The following CEMIP variants were observed in gnomAD, a reference collection of about 807,000 sequenced individuals.
The protein encoded by CEMIP is cell migration-inducing and hyaluronan-binding protein.
A neutral mutation model predicts 156.9 loss-of-function variants in CEMIP; 105 were observed. The ratio of observed to expected loss-of-function variants is 0.67; its 90% CI spans 0.57 to 0.79. CEMIP has a LOEUF of 0.79. CEMIP is among the 30% of genes least tolerant of loss of function. CEMIP has a pLI of 0.00. For synonymous variants in CEMIP, 676 were observed against 668.4 expected (o/e 1.01, Z -0.17); for missense variants, 1,457 against 1,769.4 (o/e 0.82, Z 3.17).
At chr15:80,891,404 A>C (rs1346384556) in intron 10 of CEMIP, among the ~76,000 whole-genome samples, 2 of 152,246 alleles carry the variant, frequency 1.3e-5, no homozygotes, top group Non-Finnish European at 2.9e-5. Context: ...ACCCAACCCT[A>C]CACTCTATAA....
intron 1 of CEMIP, among the ~76,000 whole-genome samples, chr15:80,850,274 T>C (rs1053988887): frequency 3.3e-5 from 5 of 152,168 alleles, no homozygotes; most frequent in African/African-American, 1.2e-4. Flanking sequence ...GCAGCTTCTT[T>C]ATTGTCATCT....
At chr15:80,910,035 A>C (rs1243491375) in intron 14 of CEMIP, among the ~76,000 whole-genome samples, 1 of 152,224 alleles carries the variant, frequency 6.6e-6, no homozygotes, top group African/African-American at 2.4e-5. Flanking sequence ...AATGAACTAC[A>C]CTTTATATCC....
intron 1 of CEMIP, among the ~76,000 whole-genome samples, chr15:80,847,086 A>T (rs1183440557): frequency 6.6e-6 from 1 of 152,188 alleles, no homozygotes; most frequent in Non-Finnish European, 1.5e-5. Flanking sequence ...TGTGCCACGC[A>T]GGCTGGAGTG....
In CEMIP at chr15:80,926,976, G is replaced by A. The variant is rs530278778; in HGVS notation, c.2420+1221G>A. On this transcript the variant is annotated intron_variant, in intron 19 of 29. Transcript: ENST00000394685. ...CTCCCGAGTAGCTGGGATTACAAGC[G>A]TGCACCACCACGCCAGGCTAATTTT... Among the ~76,000 whole-genome samples the A allele has an allele frequency of 3.6e-3, 546 of 151,994 alleles. 2 individuals are homozygous for A. Among genetic ancestry groups the A allele is most frequent in the Non-Finnish European group, 6.3e-3 (430 of 67,978 alleles).
intron 1 of CEMIP, among the ~76,000 whole-genome samples, chr15:80,835,484 G>A (rs1321286422): frequency 6.6e-6 from 1 of 152,174 alleles, no homozygotes; most frequent in Non-Finnish European, 1.5e-5. Context: ...GATAGGCAGG[G>A]GCCCCGCATG....
intron 1 of CEMIP, among the ~76,000 whole-genome samples, chr15:80,783,787 C>G (rs1895857033): frequency 6.6e-6 from 1 of 152,196 alleles, no homozygotes; most frequent in South Asian, 2.1e-4. Context: ...GCCCTGGCAC[C>G]AGGCTTTGTT....
At chr15:80,885,260 A>G (rs2141836782) in intron 7 of CEMIP, among the ~76,000 whole-genome samples, 1 of 152,340 alleles carries the variant, frequency 6.6e-6, no homozygotes. Context: ...GATCAGAGGG[A>G]AGCCAGAGAC....
chr15:80,805,048 C>T (rs145833273), intron 1 of CEMIP, among the ~76,000 whole-genome samples: 5 of 152,218 alleles, frequency 3.3e-5, no homozygotes, highest in African/African-American at 4.8e-5. Flanking sequence ...TTAGCTAGCA[C>T]GAGAGGGCCC....
chr15:80,941,818 G>T, intron 25 of CEMIP, 31 bp from the exon 26 acceptor site: 1 of 1,604,628 alleles, frequency 6.2e-7, no homozygotes, highest in Non-Finnish European at 8.5e-7. Flanking sequence ...GAGTGTCCAA[G>T]CAAATGCCCA....
At chr15:80,925,600 GC>G in intron 18 of CEMIP, 23 bp from the exon 19 acceptor site, 1 of 1,609,952 alleles carries the variant, frequency 6.2e-7, no homozygotes, top group Non-Finnish European at 8.5e-7. Context: ...CGCCACCTGT[GC>G]CCTCCCCATG....
intron 6 of CEMIP, among the ~76,000 whole-genome samples, chr15:80,881,356 T>C (rs1898652798): frequency 6.6e-6 from 1 of 152,178 alleles, no homozygotes; most frequent in Non-Finnish European, 1.5e-5. Context: ...TACAACGTAG[T>C]TTCAGATTGT....
In CEMIP at chr15:80,906,692, G is replaced by C; in HGVS notation, c.1441G>C (p.Glu481Gln). Residue 481 changes from glutamate (E) to glutamine (Q), a missense_variant, in exon 13 of 30, where the codon GAG becomes CAG. By Grantham distance (29) the Glu-to-Gln change is conservative (BLOSUM62 2). Transcript: ENST00000394685. This position sits in a 1 kb window ranked among gnomAD's most constrained non-coding sequence, Gnocchi z 4.3. ...GKPMYLHIGEEIDGVDMRAEV... is the reference protein window; with the variant it reads ...GKPMYLHIGEQIDGVDMRAEV... ...ACCAATGTACCTGCACATCGGGGAG[G>C]AGATAGACGGCGTGGACATGCGGGC... 2 of 1,614,170 alleles carry C rather than the reference G, an allele frequency of 1.2e-6. No individual in the cohort carries two copies. The highest frequency in any genetic ancestry group is 1.7e-6 in the Non-Finnish European group (2 of 1,179,996).
chr15:80,909,744 G>C (rs779582292), intron 14 of CEMIP: 7 of 416,100 alleles, frequency 1.7e-5, no homozygotes, highest in Non-Finnish European at 2.9e-5. Flanking sequence ...TGTTCCTTCA[G>C]AGCAAGTGCT....
chr15:80,895,022 C>G lies in CEMIP; in HGVS notation c.1119C>G (p.Thr373=). Residue 373 remains threonine (T), a synonymous_variant, in exon 11 of 30, where the codon ACC becomes ACG. Coordinates refer to ENST00000394685, the MANE Select transcript of CEMIP (RefSeq NM_001293298.2). ...ATTMDGVNLS[T]EVVYKKGQDY... is the part of the protein sequence containing the mutation. ...CAATGGATGGAGTTAACCTCAGCAC[C>G]GAGGTTGTCTACAAAAAAGGCCAGG... is the stretch of plus-strand genomic sequence containing the variant. 6.2e-7 allele frequency: 1 copy of G among 1,614,110 alleles called. No homozygotes were observed. Among genetic ancestry groups the G allele is most frequent in the East Asian group, 2.2e-5 (1 of 44,890 alleles).
Position 80,837,950 on chromosome 15 carries a change from T to C in CEMIP, c.-175-35588T>C, listed in dbSNP as rs548783211. Among the ~76,000 whole-genome samples, 3 of 152,306 alleles carry C rather than the reference T, an allele frequency of 2.0e-5. No homozygotes were observed. In the South Asian group the frequency reaches 6.2e-4, roughly 32 times the overall value. On this transcript the variant is annotated intron_variant, in intron 1 of 29. Coordinates refer to ENST00000394685, the MANE Select transcript of CEMIP (RefSeq NM_001293298.2). Reference sequence around the variant, plus strand: ...CCACACCAACTTCCTTGTTTACCCATCTTAGGTGAGAACACCCTTTCTCCC... The same window carrying C: ...CCACACCAACTTCCTTGTTTACCCACCTTAGGTGAGAACACCCTTTCTCCC...
At chr15:80,900,756 G>GCT (rs754839400) in intron 12 of CEMIP, 44 of 325,538 alleles carry the variant, frequency 1.4e-4, no homozygotes, top group Middle Eastern at 1.1e-3. Flanking sequence ...CCATTCTCTG[G>GCT]CTCTCCATCT....
In CEMIP at chr15:80,880,993, G is replaced by A. The variant is rs72740115; in HGVS notation, c.474G>A (p.Lys158=). The A allele has an allele frequency of 4.9e-3, 7,936 of 1,614,210 alleles. 31 individuals carry two copies. Among genetic ancestry groups the A allele is most frequent in the Non-Finnish European group, 6.0e-3 (7,083 of 1,180,026 alleles). Residue 158 remains lysine (K), a synonymous_variant, in exon 6 of 30, where the codon AAG becomes AAA. Coordinates refer to ENST00000394685, the MANE Select transcript of CEMIP (RefSeq NM_001293298.2). ...GGALELHGQK[K]LSWTFLNKTL... ...CTCTTGAGTTGCATGGACAGAAAAA[G>A]CTCTCCTGGACATTTCTGAACAAGA...
chr15:80,940,100 C>A (rs1901282769), intron 25 of CEMIP, among the ~76,000 whole-genome samples: 1 of 152,186 alleles, frequency 6.6e-6, no homozygotes, highest in African/African-American at 2.4e-5. Context: ...TAAACAAGTA[C>A]ATTATTTAAG....
In CEMIP at chr15:80,879,716, G is replaced by A; in HGVS notation, c.242G>A (p.Gly81Asp). 6.2e-7 allele frequency: 1 copy of A among 1,614,140 alleles called. No homozygotes were observed. The highest frequency in any genetic ancestry group is 8.5e-7 in the Non-Finnish European group (1 of 1,180,010). ...CCTCCCCCCAATGCTACCTCTTCAG[G>A]CAAGCTGGTCATTAAAGACCACGAC... ...TVYSIHISEG[G>D]KLVIKDHDEP... is the part of the protein sequence containing the mutation. Residue 81 changes from glycine (G) to aspartate (D), a missense_variant and splice_region_variant, in exon 5 of 30, where the codon GGC becomes GAC. Physicochemically the swap from Gly to Asp is moderately conservative, Grantham distance 94. Around this residue, in one of 5 missense-constraint regions of CEMIP, gnomAD observed 309 missense variants for 340.8 expected, o/e 0.91. Coordinates refer to ENST00000394685, the MANE Select transcript of CEMIP (RefSeq NM_001293298.2).
Sources: allele counts gnomAD v4.1 joint callset (sites outside exome capture counted in the v4.1 genomes callset), GRCh38; gene constraint gnomAD v4.1.1; regional missense constraint gnomAD v4.1.1; non-coding constraint Gnocchi (gnomAD v3.1); transcripts MANE v1.5; gene names NCBI Gene and HGNC (gene_info 2026-07-23, HGNC 2026-07-21).